The following EDA variants were observed in gnomAD, a reference collection of about 807,000 sequenced individuals.
The protein encoded by EDA is ectodysplasin A.
In EDA, 2 loss-of-function variants were observed where a neutral mutation model predicts 23.6. The ratio of observed to expected loss-of-function variants is 0.08; its 90% confidence interval spans 0.03 to 0.27. EDA has a LOEUF of 0.27. Ranked by LOEUF, EDA falls within the 10% of genes least tolerant of loss-of-function variation. The pLI is 1.00. For synonymous variants in EDA, 131 were observed against 132.0 expected (o/e 0.99, Z 0.05); for missense variants, 229 against 324.2 (o/e 0.71, Z 2.26).
chrX:69,975,590 A>C (rs990219613), intron 2 of EDA, among the ~76,000 whole-genome samples: 3 of 111,681 alleles, frequency 2.7e-5, no homozygotes, highest in Non-Finnish European at 5.7e-5. Flanking sequence ...ATACCCATAT[A>C]ACAAACCTGC....
At chrX:69,826,859 A>G (rs2016453687) in intron 1 of EDA, among the ~76,000 whole-genome samples, 1 of 111,701 alleles carries the variant, frequency 9.0e-6, no homozygotes, top group Non-Finnish European at 1.9e-5. Flanking sequence ...TTCCATGTTT[A>G]GCACTTCCTT....
intron 1 of EDA, among the ~76,000 whole-genome samples, chrX:69,650,427 A>G (rs978277193): frequency 2.5e-4 from 28 of 111,557 alleles, no homozygotes; most frequent in African/African-American, 9.1e-4. Flanking sequence ...GAAGGGTCGT[A>G]GGGAGAGGGG....
chrX:69,839,942 T>C (rs2016861406), intron 1 of EDA, among the ~76,000 whole-genome samples: 1 of 112,423 alleles, frequency 8.9e-6, no homozygotes, highest in African/African-American at 3.2e-5. Flanking sequence ...GGGGATGTGA[T>C]TACATTTAAC....
chrX:69,997,141 G>A lies in EDA; in HGVS notation c.503-26077G>A, dbSNP rs1378433315. Among the ~76,000 whole-genome samples the A allele has an allele frequency of 5.3e-5, 6 of 112,369 alleles. No homozygotes were observed. In the Admixed American group the frequency reaches 5.6e-4, roughly 11 times the overall value. On this transcript the variant is annotated intron_variant, in intron 2 of 7. Transcript: ENST00000374552. ...CAGGCAGAAGTTGGAACAGTTTGGA[G>A]GGCTCAGAAGAAGACAGGAAAATGT... is the stretch of plus-strand genomic sequence containing the variant.
intron 1 of EDA, among the ~76,000 whole-genome samples, chrX:69,664,666 T>TTGTGTGTGTGTGTG (rs35371760): frequency 9.6e-6 from 1 of 104,069 alleles, no homozygotes; most frequent in African/African-American, 3.5e-5. Flanking sequence ...TAATATTTCA[T>TTGTGTGTGTGTGTG]TGTGTGTGTG....
intron 1 of EDA, among the ~76,000 whole-genome samples, chrX:69,787,224 A>G (rs1229949400): frequency 1.0e-5 from 1 of 100,440 alleles, no homozygotes; most frequent in African/African-American, 3.5e-5. Context: ...CAGCAAACTG[A>G]TGGGTCTTGA....
At chrX:69,728,302 T>C (rs754223468) in intron 1 of EDA, among the ~76,000 whole-genome samples, 1 of 110,056 alleles carries the variant, frequency 9.1e-6, no homozygotes. Flanking sequence ...ACATTTTTGA[T>C]ATGGTAAGGT....
At chrX:69,965,452 A>C in intron 2 of EDA, among the ~76,000 whole-genome samples, 1 of 112,152 alleles carries the variant, frequency 8.9e-6, no homozygotes, top group Admixed American at 9.5e-5. Flanking sequence ...TTATATGGCA[A>C]ATATCTTCAA....
chrX:69,745,528 G>A (rs1475592526), intron 1 of EDA, among the ~76,000 whole-genome samples: 1 of 111,215 alleles, frequency 9.0e-6, no homozygotes, highest in Non-Finnish European at 1.9e-5. Context: ...TTTTACTTTT[G>A]CTTTCCTGTG....
At chrX:69,659,584 T>C in intron 1 of EDA, among the ~76,000 whole-genome samples, 1 of 112,242 alleles carries the variant, frequency 8.9e-6, no homozygotes, top group Non-Finnish European at 1.9e-5. Context: ...ATATGGCATA[T>C]GCAATCATTA....
chrX:69,777,898 A>G (rs1327511601), intron 1 of EDA, among the ~76,000 whole-genome samples: 5 of 111,957 alleles, frequency 4.5e-5, no homozygotes, highest in African/African-American at 1.6e-4. Context: ...GTATATGAAA[A>G]CAAACTTATA....
At chrX:69,856,354 TCTTATTTTC>T (rs1439770623) in intron 1 of EDA, among the ~76,000 whole-genome samples, 1 of 106,580 alleles carries the variant, frequency 9.4e-6, no homozygotes, top group East Asian at 2.9e-4. Flanking sequence ...TCATATAATG[TCTTATTTTC>T]CTCGAGGTAG....
At chrX:69,619,067 C>T (rs1414376349) in intron 1 of EDA, among the ~76,000 whole-genome samples, 1 of 112,245 alleles carries the variant, frequency 8.9e-6, no homozygotes, top group African/African-American at 3.2e-5. Flanking sequence ...ATTGTGCTGA[C>T]AGATTCTGAT....
At chrX:69,692,782 T>C (rs1014891382) in intron 1 of EDA, among the ~76,000 whole-genome samples, 2 of 112,015 alleles carry the variant, frequency 1.8e-5, no homozygotes, top group African/African-American at 6.5e-5. Flanking sequence ...CCTATATTCT[T>C]CAGATCAGTG....
At chrX:70,020,882 A>G (rs1044547263) in intron 2 of EDA, among the ~76,000 whole-genome samples, 2 of 112,323 alleles carry the variant, frequency 1.8e-5, no homozygotes, top group African/African-American at 6.5e-5. Context: ...AGACTTCTAG[A>G]TGTGCATGAA....
At chrX:69,961,650 G>A (rs2019104265) in intron 2 of EDA, among the ~76,000 whole-genome samples, 1 of 112,433 alleles carries the variant, frequency 8.9e-6, no homozygotes, top group African/African-American at 3.2e-5. Context: ...CTAAGCAGGA[G>A]TCTCAAACAC....
intron 1 of EDA, among the ~76,000 whole-genome samples, chrX:69,785,442 C>T (rs2015126129): frequency 9.7e-6 from 1 of 103,044 alleles, no homozygotes; most frequent in East Asian, 2.8e-4. Context: ...TCATAGATAG[C>T]TCTTATTATT....
At chrX:69,806,295 G>A (rs185602670) in intron 1 of EDA, among the ~76,000 whole-genome samples, 1 of 111,304 alleles carries the variant, frequency 9.0e-6, no homozygotes, top group African/African-American at 3.2e-5. Context: ...TATATAATGG[G>A]GAAAGATCAT....
intron 1 of EDA, among the ~76,000 whole-genome samples, chrX:69,930,518 G>T (rs1280094444): frequency 9.1e-6 from 1 of 110,402 alleles, no homozygotes; most frequent in Non-Finnish European, 1.9e-5. Context: ...GGAGTAGAGG[G>T]GAACATCCAC....
Sources: gnomAD v4.1 joint callset for allele counts (sites outside exome capture counted in the v4.1 genomes callset) on GRCh38, gnomAD v4.1.1 for gene constraint, MANE v1.5 for transcripts, NCBI Gene and HGNC (gene_info 2026-07-23, HGNC 2026-07-21) for gene names.